Variants in FRMPD4 observed in about 807,000 individuals in gnomAD.
The protein encoded by FRMPD4 is FERM and PDZ domain-containing protein 4.
In FRMPD4, 22 loss-of-function variants were observed where a neutral mutation model predicts 94.1. That is an observed-to-expected ratio of 0.23 (90% confidence interval 0.17 to 0.33). The LOEUF is 0.33. FRMPD4 is among the 10% of genes least tolerant of loss of function. The pLI is 1.00. For synonymous variants in FRMPD4, 631 were observed against 548.6 expected (o/e 1.15, Z -2.10); for missense variants, 1,111 against 1,339.9 (o/e 0.83, Z 2.67).
chrX:12,526,433 C>T (rs2058224055), intron 2 of FRMPD4, among the ~76,000 whole-genome samples: 1 of 112,805 alleles, frequency 8.9e-6, no homozygotes, highest in Admixed American at 9.3e-5. Flanking sequence ...AGATTTGCCC[C>T]TCTGGTCACA....
chrX:12,563,057 C>A (rs1035142242), intron 2 of FRMPD4, among the ~76,000 whole-genome samples: 2 of 111,665 alleles, frequency 1.8e-5, no homozygotes, highest in Non-Finnish European at 3.8e-5. Flanking sequence ...ATGGGCACAG[C>A]CAAGTCAGGG....
chrX:11,887,359 A>G (rs1386840668), intron 3 of FRMPD4, among the ~76,000 whole-genome samples: 1 of 111,175 alleles, frequency 9.0e-6, no homozygotes. Flanking sequence ...ATCACAGACA[A>G]CCTGCAGGCA....
chrX:12,020,941 G>C (rs1243117963), intron 3 of FRMPD4, among the ~76,000 whole-genome samples: 1 of 111,820 alleles, frequency 8.9e-6, no homozygotes, highest in Non-Finnish European at 1.9e-5. Context: ...AAACATGTAT[G>C]TTAATCAGCT....
At chrX:11,830,209 A>C (rs1179724246) in intron 1 of FRMPD4, among the ~76,000 whole-genome samples, 4 of 112,049 alleles carry the variant, frequency 3.6e-5, no homozygotes, top group Non-Finnish European at 7.5e-5. Flanking sequence ...GAGTCAAACC[A>C]TCATTTTCCT....
At chrX:12,082,807 C>T (rs983624182) in intron 3 of FRMPD4, among the ~76,000 whole-genome samples, 2 of 111,614 alleles carry the variant, frequency 1.8e-5, no homozygotes, top group Non-Finnish European at 3.8e-5. Flanking sequence ...AAGAGACTAG[C>T]GGCATTTTCC....
At position 12,489,477 on chromosome X, in the gene FRMPD4, T is replaced by C. The variant is rs181225042; in HGVS notation, c.42-9203T>C. ...GCAGTATTAGGTTATGAGTCATCCATAAATAAGTGAAATGTGAAGATGAAT... is the reference window on the plus strand; with the variant it reads ...GCAGTATTAGGTTATGAGTCATCCACAAATAAGTGAAATGTGAAGATGAAT... On this transcript the variant is annotated intron_variant, in intron 1 of 16. Transcript: ENST00000675598. 1.1e-3 allele frequency among the ~76,000 whole-genome samples: 126 copies of C among 112,454 alleles called. 1 individual carries two copies. Among genetic ancestry groups the C allele is most frequent in the Admixed American group, 3.9e-3 (41 of 10,648 alleles).
At chrX:11,894,580 C>G (rs1198783944) in intron 3 of FRMPD4, among the ~76,000 whole-genome samples, 1 of 112,277 alleles carries the variant, frequency 8.9e-6, no homozygotes, top group African/African-American at 3.2e-5. Context: ...ATCCCAGTTA[C>G]ATCGGTTTCT....
intron 4 of FRMPD4, among the ~76,000 whole-genome samples, chrX:12,656,885 G>A (rs772448144): frequency 3.3e-4 from 37 of 110,814 alleles, no homozygotes; most frequent in African/African-American, 1.1e-3. Context: ...GGCTGGGAGC[G>A]AGACCAGCCT....
intron 3 of FRMPD4, among the ~76,000 whole-genome samples, chrX:11,946,501 C>T (rs1223044864): frequency 9.0e-6 from 1 of 111,639 alleles, no homozygotes; most frequent in African/African-American, 3.3e-5. Flanking sequence ...TTGTAACTCT[C>T]TTTCCAGAGT....
At chrX:11,870,780 C>CT (rs1344789158) in intron 2 of FRMPD4, among the ~76,000 whole-genome samples, 1 of 112,091 alleles carries the variant, frequency 8.9e-6, no homozygotes, top group Non-Finnish European at 1.9e-5. Flanking sequence ...CAGTAGGTAA[C>CT]TTTTTTTGCC....
intron 1 of FRMPD4, among the ~76,000 whole-genome samples, chrX:12,171,839 A>G (rs1304719510): frequency 1.8e-5 from 2 of 111,939 alleles, no homozygotes; most frequent in East Asian, 2.8e-4. Flanking sequence ...GAGACTGACA[A>G]TAGCTAAACA....
chrX:12,608,391 G>A (rs1231242535), intron 2 of FRMPD4, among the ~76,000 whole-genome samples: 1 of 112,862 alleles, frequency 8.9e-6, no homozygotes, highest in Non-Finnish European at 1.9e-5. Context: ...GAAGTATTTT[G>A]AAAATTTTTG....
At chrX:12,479,439 C>CATATATGTATATATATGT (rs1555971418) in intron 1 of FRMPD4, among the ~76,000 whole-genome samples, 3 of 15,479 alleles carry the variant, frequency 1.9e-4, no homozygotes, top group East Asian at 2.6e-3. Context: ...TATATACACA[C>CATATATGTATATATATGT]ATATATGTAT....
intron 1 of FRMPD4, among the ~76,000 whole-genome samples, chrX:12,250,052 G>C (rs748821419): frequency 0.29 from 25,365 of 87,974 alleles, 3,369 homozygotes; most frequent in Non-Finnish European, 0.38. Context: ...CTCTCTCTGT[G>C]TGTGTGTGTG....
intron 1 of FRMPD4, among the ~76,000 whole-genome samples, chrX:12,215,890 A>G (rs1329329287): frequency 2.7e-5 from 3 of 112,036 alleles, no homozygotes; most frequent in Middle Eastern, 4.6e-3. Context: ...TTTCTGTAAT[A>G]GTTTTATTGG....
At chrX:12,672,172 C>T (rs2059850463) in intron 4 of FRMPD4, among the ~76,000 whole-genome samples, 1 of 111,963 alleles carries the variant, frequency 8.9e-6, no homozygotes, top group Non-Finnish European at 1.9e-5. Context: ...CCAGTGTAAT[C>T]CAGCATTACT....
At chrX:12,151,994 T>C (rs1317661405) in intron 1 of FRMPD4, among the ~76,000 whole-genome samples, 1 of 111,696 alleles carries the variant, frequency 9.0e-6, no homozygotes, top group Admixed American at 9.5e-5. Context: ...TCAAATTTTA[T>C]GCTAAAATTG....
intron 1 of FRMPD4, among the ~76,000 whole-genome samples, chrX:12,418,350 C>CTTTTTT (rs540740432): frequency 3.7e-4 from 30 of 81,046 alleles, no homozygotes; most frequent in African/African-American, 7.6e-4. Context: ...GTGTTTCTTT[C>CTTTTTT]TTTTTTTTTT....
intron 3 of FRMPD4, among the ~76,000 whole-genome samples, chrX:12,055,819 C>G (rs984879778): frequency 1.6e-4 from 18 of 111,360 alleles, no homozygotes; most frequent in African/African-American, 5.6e-4. Context: ...GGACTTAAAT[C>G]TGATTTCATG....
Sources: allele counts gnomAD v4.1 joint callset (sites outside exome capture counted in the v4.1 genomes callset), GRCh38; gene constraint gnomAD v4.1.1; transcripts MANE v1.5; gene names NCBI Gene and HGNC (gene_info 2026-07-23, HGNC 2026-07-21).